The following DLG2 variants were observed in gnomAD, a reference collection of about 807,000 sequenced individuals.
The protein encoded by DLG2 is discs large MAGUK scaffold protein 2.
DLG2 carries 45 observed loss-of-function variants against 132.5 expected under a neutral mutation model. The observed-to-expected ratio is 0.34, with a 90% CI of 0.27 to 0.44. The LOEUF is 0.44. Among genes scored for constraint, DLG2 ranks in the 20% least tolerant of loss-of-function variants. The pLI, the probability that DLG2 is intolerant of heterozygous loss-of-function variation, is 1.00. For synonymous variants in DLG2, 424 were observed against 419.6 expected (o/e 1.01, Z -0.13); for missense variants, 1,045 against 1,196.9 (o/e 0.87, Z 1.87).
intron 11 of DLG2, among the ~76,000 whole-genome samples, chr11:83,990,244 C>G (rs1333916384): frequency 6.6e-6 from 1 of 152,018 alleles, no homozygotes; most frequent in Admixed American, 6.6e-5. Context: ...TTAAAAATGA[C>G]CTGTTTGGCA....
At chr11:84,125,813 G>A (rs2094143788) in intron 9 of DLG2, among the ~76,000 whole-genome samples, 1 of 152,168 alleles carries the variant, frequency 6.6e-6, no homozygotes, top group Admixed American at 6.5e-5. Flanking sequence ...AAATAGCCCT[G>A]ATAAGAAATT....
chr11:84,233,404 CAT>C (rs1273286846), intron 8 of DLG2, among the ~76,000 whole-genome samples: 5 of 152,160 alleles, frequency 3.3e-5, no homozygotes, highest in Admixed American at 1.3e-4. Context: ...AAGCTGAAAA[CAT>C]AAATAAGCAA....
intron 7 of DLG2, among the ~76,000 whole-genome samples, chr11:84,455,092 G>C (rs1000513427): frequency 2.6e-5 from 4 of 151,146 alleles, no homozygotes; most frequent in African/African-American, 9.7e-5. Context: ...AAATAATAAA[G>C]AAAACAGGGG....
chr11:85,176,674 A>G (rs1240190736), intron 4 of DLG2, among the ~76,000 whole-genome samples: 12 of 152,184 alleles, frequency 7.9e-5, no homozygotes, highest in African/African-American at 2.9e-4. Context: ...GAGTGAACAG[A>G]CAACCTACAA....
intron 14 of DLG2, among the ~76,000 whole-genome samples, chr11:83,941,536 C>T (rs117033601): frequency 0.076 from 11,474 of 151,850 alleles, 584 homozygotes; most frequent in Non-Finnish European, 0.11. Flanking sequence ...GCTGAGATTA[C>T]AGGTGCGTGC....
intron 6 of DLG2, among the ~76,000 whole-genome samples, chr11:84,840,035 C>T (rs905088449): frequency 1.3e-5 from 2 of 152,030 alleles, no homozygotes; most frequent in Non-Finnish European, 1.5e-5. Context: ...AAAGAAACTA[C>T]CATCGAGTGA....
Position 84,534,829 on chromosome 11 carries a change from T to C in DLG2, c.358-98A>G, listed in dbSNP as rs77039795. On this transcript the variant is annotated intron_variant, in intron 6 of 27. Coordinates refer to ENST00000376104, the MANE Select transcript of DLG2 (RefSeq NM_001142699.3). ...TTCTAACTTCATCAATAGGACACAG[T>C]GTGCACCTACTGTTGACTTCACCAA... 6.4e-4 allele frequency: 875 copies of C among 1,376,698 alleles called. 5 individuals are homozygous for C. The African/African-American group carries it at 0.012, about 18-fold the overall frequency. The allele number at this position is 1,376,698 out of a possible 1,614,324, so 85.3% of individuals were successfully genotyped here.
chr11:84,651,125 A>T (rs2099681573), intron 6 of DLG2, among the ~76,000 whole-genome samples: 1 of 151,614 alleles, frequency 6.6e-6, no homozygotes. Flanking sequence ...ATTCATTTTC[A>T]TGATACCGTT....
chr11:83,526,420 ATTCCATTCCC>A (rs761043402), intron 21 of DLG2, among the ~76,000 whole-genome samples: 1 of 152,122 alleles, frequency 6.6e-6, no homozygotes, highest in Non-Finnish European at 1.5e-5. Flanking sequence ...ACTTCTGAAC[ATTCCATTCCC>A]TTTGCTCTAT....
At chr11:85,397,002 G>GA (rs750292097) in intron 3 of DLG2, among the ~76,000 whole-genome samples, 79 of 152,200 alleles carry the variant, frequency 5.2e-4, no homozygotes, top group Non-Finnish European at 9.9e-4. Context: ...TGAAATAAAG[G>GA]AAAAAATATT....
chr11:85,154,413 C>G (rs1057336507), intron 5 of DLG2, 143 bp downstream of exon 5: 1 of 489,424 alleles, frequency 2.0e-6, no homozygotes, highest in Non-Finnish European at 3.6e-6. Flanking sequence ...AGCCTGAGAA[C>G]CCAATATGCT....
At chr11:83,841,373 T>C (rs1206720690) in intron 16 of DLG2, among the ~76,000 whole-genome samples, 1 of 152,248 alleles carries the variant, frequency 6.6e-6, no homozygotes, top group Non-Finnish European at 1.5e-5. Flanking sequence ...TCATTATACA[T>C]TGACAGTGGA....
chr11:84,684,924 T>A (rs1267574232), intron 6 of DLG2, among the ~76,000 whole-genome samples: 1 of 152,214 alleles, frequency 6.6e-6, no homozygotes, highest in Non-Finnish European at 1.5e-5. Flanking sequence ...AGTGAATGAT[T>A]CTAGAGGAAG....
chr11:85,508,457 C>T (rs2093985015), intron 3 of DLG2, among the ~76,000 whole-genome samples: 1 of 152,014 alleles, frequency 6.6e-6, no homozygotes, highest in Non-Finnish European at 1.5e-5. Context: ...AATGCCTTTC[C>T]TTTCTACCTT....
chr11:84,451,541 G>A (rs1252297253), intron 7 of DLG2, among the ~76,000 whole-genome samples: 1 of 151,738 alleles, frequency 6.6e-6, no homozygotes, highest in African/African-American at 2.4e-5. Flanking sequence ...TAATGCCCCT[G>A]GAAAACTCGG....
At chr11:85,367,077 G>A (rs145374706) in intron 3 of DLG2, among the ~76,000 whole-genome samples, 18 of 152,168 alleles carry the variant, frequency 1.2e-4, no homozygotes, top group South Asian at 1.0e-3. Context: ...TGTATTTAGC[G>A]TTAACAATTC....
At chr11:83,907,507 T>C (rs904404156) in intron 15 of DLG2, among the ~76,000 whole-genome samples, 2 of 152,098 alleles carry the variant, frequency 1.3e-5, no homozygotes, top group African/African-American at 4.8e-5. Flanking sequence ...CTCTCTAAGC[T>C]TCACTATTTT....
intron 6 of DLG2, among the ~76,000 whole-genome samples, chr11:84,864,906 C>T (rs923264069): frequency 1.3e-5 from 2 of 151,944 alleles, no homozygotes; most frequent in African/African-American, 4.8e-5. Flanking sequence ...TAAGCAAAGG[C>T]ATGGAGATAT....
rs57188165 is a variant in DLG2 at position 85,007,664 on chromosome 11, C to CA, written c.357+103996dup. ...TGGGTGACAGAGCAAGACTCCGTCT[C>CA]AAAAAAAAAAAAAAAAAAAAAAAAA... On this transcript the variant is annotated intron_variant, in intron 6 of 27. Transcript: ENST00000376104. Among the ~76,000 whole-genome samples the CA allele has an allele frequency of 4.2e-3, 375 of 88,496 alleles. 7 individuals are homozygous for CA. Among genetic ancestry groups the CA allele is most frequent in the Non-Finnish European group, 6.2e-3 (279 of 45,180 alleles). The allele number at this position is 88,496 out of a possible 152,430, so 58.1% of individuals were successfully genotyped here.
Sources: allele counts gnomAD v4.1 joint callset (sites outside exome capture counted in the v4.1 genomes callset), GRCh38; gene constraint gnomAD v4.1.1; transcripts MANE v1.5; gene names NCBI Gene and HGNC (gene_info 2026-07-23, HGNC 2026-07-21).